VSTM4: variants seen among roughly 807,000 people sequenced by gnomAD.
VSTM4 encodes V-set and transmembrane domain containing 4.
A neutral mutation model predicts 36.4 loss-of-function variants in VSTM4; 20 were observed. The observed-to-expected ratio is 0.55, with a 90% CI of 0.39 to 0.80. The LOEUF (loss-of-function observed/expected upper bound fraction) is 0.80. Among genes scored for constraint, VSTM4 ranks in the 30% least tolerant of loss-of-function variants. The probability of loss-of-function intolerance (pLI) is 0.00; values close to 1 mark genes in which losing one functional copy is unlikely to be tolerated. For missense variants in VSTM4, 392 were observed against 404.5 expected, an observed-to-expected ratio of 0.97 and a Z score of 0.26; for synonymous variants, 182 against 173.9, an observed-to-expected ratio of 1.05 and a Z score of -0.37.
intron 5 of VSTM4, among the ~76,000 whole-genome samples, chr10:49,061,639 G>A (rs7088718): frequency 0.37 from 56,811 of 151,926 alleles, 11,840 homozygotes; most frequent in African/African-American, 0.56. Context: ...GTCCATCTTC[G>A]CCTCTAGTAA....
At chr10:49,060,440 C>G (rs1843857604) in intron 5 of VSTM4, among the ~76,000 whole-genome samples, 1 of 152,160 alleles carries the variant, frequency 6.6e-6, no homozygotes, top group Non-Finnish European at 1.5e-5. Context: ...ATTTGCACTT[C>G]CCTAGTAGGT....
intron 4 of VSTM4, among the ~76,000 whole-genome samples, chr10:49,067,980 A>G (rs1844003323): frequency 6.6e-6 from 1 of 152,232 alleles, no homozygotes; most frequent in Non-Finnish European, 1.5e-5. Flanking sequence ...GATTACTTGT[A>G]ATACATAATA....
intron 2 of VSTM4, among the ~76,000 whole-genome samples, chr10:49,105,006 GAGAC>G (rs1252465035): frequency 3.1e-3 from 94 of 30,292 alleles, no homozygotes; most frequent in Middle Eastern, 0.016. Flanking sequence ...GACAGAGAGA[GAGAC>G]AGAGAGATAC....
chr10:49,081,863 G>C (rs921907926), intron 3 of VSTM4, among the ~76,000 whole-genome samples: 4 of 152,218 alleles, frequency 2.6e-5, no homozygotes, highest in Non-Finnish European at 4.4e-5. Context: ...CCTTGCAGGA[G>C]AAGAAAAGCT....
chr10:49,019,492 C>T lies in VSTM4; in HGVS notation c.*158G>A. 2 of 1,049,984 alleles carry T rather than the reference C, an allele frequency of 1.9e-6. No homozygotes were observed. Among genetic ancestry groups the T allele is most frequent in the Non-Finnish European group, 2.6e-6 (2 of 772,250 alleles). The allele number at this position is 1,049,984 out of a possible 1,614,324, so 65.0% of individuals were successfully genotyped here. A position where few individuals can be genotyped will look rare whatever the true frequency, so the allele number is the denominator to read the frequency against. On this transcript the variant is annotated 3_prime_UTR_variant, in exon 8 of 8. Transcript: ENST00000332853. ...CCCCGATTCTTTTGGGGAGAGCAGG[C>T]TTGTACCTCTTCAAAGGCACCCAGA...
rs1310836508 is a variant in VSTM4 at position 49,017,282 on chromosome 10, G to C, written c.*2368C>G. On this transcript the variant is annotated 3_prime_UTR_variant, in exon 8 of 8. Coordinates refer to ENST00000332853, the MANE Select transcript of VSTM4 (RefSeq NM_001031746.5). ...AGTCATCCATTGCTTCCAGTTCTGA[G>C]CACAGCTTGGGCATTTGCTTCTGGA... 5 of 152,188 alleles carry C rather than the reference G, an allele frequency of 3.3e-5. No homozygotes were observed. The highest frequency in any genetic ancestry group is 5.9e-5 in the Non-Finnish European group (4 of 68,046). The allele number at this position is 152,188 out of a possible 1,614,324, so 9.4% of individuals were successfully genotyped here. A position where few individuals can be genotyped will look rare whatever the true frequency, so the allele number is the denominator to read the frequency against.
chr10:49,020,871 G>A (rs2466755), intron 7 of VSTM4, among the ~76,000 whole-genome samples: 102,249 of 151,414 alleles, frequency 0.68, 36,318 homozygotes, highest in Non-Finnish European at 0.8. Flanking sequence ...TACATTAAAA[G>A]ATAGATAATC....
chr10:49,020,249 A>T (rs577593906), intron 7 of VSTM4, among the ~76,000 whole-genome samples: 2 of 152,354 alleles, frequency 1.3e-5, no homozygotes, highest in South Asian at 4.1e-4. Context: ...ATGCTAAGGA[A>T]AATATTCCTT....
At chr10:49,085,460 G>A (rs1279264583) in intron 3 of VSTM4, among the ~76,000 whole-genome samples, 1 of 152,188 alleles carries the variant, frequency 6.6e-6, no homozygotes, top group Non-Finnish European at 1.5e-5. Flanking sequence ...ATAAAATGTA[G>A]TCACAGTAGA....
chr10:49,055,173 G>C (rs1211622844), intron 5 of VSTM4, among the ~76,000 whole-genome samples: 1 of 152,198 alleles, frequency 6.6e-6, no homozygotes, highest in Non-Finnish European at 1.5e-5. Flanking sequence ...TAATGGAGCT[G>C]TGTTGGCTCC....
At chr10:49,024,919 A>G (rs1445753211) in intron 7 of VSTM4, among the ~76,000 whole-genome samples, 2 of 150,030 alleles carry the variant, frequency 1.3e-5, no homozygotes, top group African/African-American at 2.4e-5. Flanking sequence ...CTAAGACCTC[A>G]GAATGTGACT....
chr10:49,079,409 T>C (rs754836707), intron 3 of VSTM4, among the ~76,000 whole-genome samples: 2 of 152,214 alleles, frequency 1.3e-5, no homozygotes, highest in Non-Finnish European at 2.9e-5. Context: ...ATCAACGTTA[T>C]CATTAGTCTG....
rs578086959 is a variant in VSTM4, at chr10:49,065,814, C to T, written c.635-1078G>A. On this transcript the variant is annotated intron_variant, in intron 4 of 7. Transcript: ENST00000332853. ...CTGTTACATATGGGGTGATCTGTTACGCAGCTTCCAAAGTAAGATGAGAGA... is the reference window on the plus strand; with the variant it reads ...CTGTTACATATGGGGTGATCTGTTATGCAGCTTCCAAAGTAAGATGAGAGA... Among the ~76,000 whole-genome samples the T allele has an allele frequency of 7.2e-5, 11 of 152,218 alleles. No homozygotes were observed. The East Asian group carries it at 1.2e-3, about 16-fold the overall frequency.
At chr10:49,048,415 C>T in intron 6 of VSTM4, 63 bp downstream of exon 6, 1 of 1,446,126 alleles carries the variant, frequency 6.9e-7, no homozygotes, top group Non-Finnish European at 9.3e-7. Flanking sequence ...AACATGGAAC[C>T]CCAGACCCAC....
intron 2 of VSTM4, among the ~76,000 whole-genome samples, chr10:49,097,366 A>G (rs1282296626): frequency 6.6e-6 from 1 of 152,208 alleles, no homozygotes; most frequent in Non-Finnish European, 1.5e-5. Flanking sequence ...CTAGGGAGAA[A>G]AGTCTAGAGG....
At chr10:49,085,871 C>G in intron 3 of VSTM4, 84 bp downstream of exon 3, 1 of 853,874 alleles carries the variant, frequency 1.2e-6, no homozygotes, top group Non-Finnish European at 1.8e-6. Flanking sequence ...CACATGTACC[C>G]TAGAACTTAA....
At chr10:49,086,279 G>GC (rs1844369515) in intron 2 of VSTM4, among the ~76,000 whole-genome samples, 1 of 152,158 alleles carries the variant, frequency 6.6e-6, no homozygotes, top group African/African-American at 2.4e-5. Context: ...AGCCCCACTT[G>GC]CCCCATAGAC....
At chr10:49,046,656 C>CAGCA (rs1187707547) in intron 7 of VSTM4, among the ~76,000 whole-genome samples, 109 of 152,294 alleles carry the variant, frequency 7.2e-4, no homozygotes, top group African/African-American at 2.3e-3. Flanking sequence ...AAAACATGTG[C>CAGCA]AGCAGTATCT....
intron 2 of VSTM4, among the ~76,000 whole-genome samples, chr10:49,096,647 G>A (rs1210449617): frequency 6.6e-6 from 1 of 150,900 alleles, no homozygotes; most frequent in East Asian, 1.9e-4. Flanking sequence ...GTGTGTGTGT[G>A]TGTGTGTGTG....
Sources: allele counts gnomAD v4.1 joint callset (sites outside exome capture counted in the v4.1 genomes callset), GRCh38; gene constraint gnomAD v4.1.1; transcripts MANE v1.5; gene names NCBI Gene and HGNC (gene_info 2026-07-23, HGNC 2026-07-21).